The following WDR1 variants were observed in gnomAD, a reference collection of about 807,000 sequenced individuals.
WDR1 encodes the protein WD repeat domain 1.
A neutral mutation model predicts 71.9 loss-of-function variants in WDR1; 21 were observed. The ratio of observed to expected loss-of-function variants is 0.29; its 90% CI spans 0.21 to 0.42. The LOEUF is 0.42. Among genes scored for constraint, WDR1 ranks in the 10% least tolerant of loss-of-function variants. The pLI, the probability that WDR1 is intolerant of heterozygous loss-of-function variation, is 1.00. For synonymous variants in WDR1, 424 were observed against 347.4 expected (o/e 1.22, Z -2.45); for missense variants, 696 against 824.5 (o/e 0.84, Z 1.91).
At chr4:10,079,916 T>C (rs1764949237) in intron 11 of WDR1, among the ~76,000 whole-genome samples, 1 of 152,222 alleles carries the variant, frequency 6.6e-6, no homozygotes, top group South Asian at 2.1e-4. Flanking sequence ...TCGTCCGACA[T>C]GAGACTTGAA....
intron 2 of WDR1, chr4:10,108,357 C>T (rs1713146894): frequency 6.6e-6 from 1 of 152,230 alleles, no homozygotes; most frequent in Non-Finnish European, 1.5e-5. Flanking sequence ...TCCTGGCCCA[C>T]AGTGAACCTG....
intron 2 of WDR1, chr4:10,106,406 G>A (rs1327992041): frequency 2.0e-5 from 3 of 152,328 alleles, no homozygotes; most frequent in African/African-American, 4.8e-5. Context: ...GCCCCTCCAA[G>A]ACCCTGTTCG....
chr4:10,083,303 T>TC, intron 9 of WDR1, 125 bp from the exon 10 acceptor site: 4 of 1,259,182 alleles, frequency 3.2e-6, no homozygotes, highest in Non-Finnish European at 3.2e-6. Context: ...ACATAACCAT[T>TC]CCCCCTGGGA....
At position 10,107,080 on chromosome 4, in the gene WDR1, G is replaced by A. The variant is rs1331180897; in HGVS notation, c.139-3094C>T. 2.6e-5 allele frequency among the ~76,000 whole-genome samples: 4 copies of A among 152,180 alleles called. No individual in the cohort carries two copies. In the East Asian group the frequency reaches 5.8e-4, roughly 22 times the overall value. ...GGGGAAAACGAGACAGGGAGGGCAG[G>A]AAGCCAATTCCAGGAGCCCCAGTGC... On this transcript the variant is annotated intron_variant, in intron 2 of 14. Transcript: ENST00000499869.
intron 5 of WDR1, among the ~76,000 whole-genome samples, chr4:10,090,877 G>A (rs1176323973): frequency 1.3e-5 from 2 of 152,268 alleles, no homozygotes; most frequent in African/African-American, 4.8e-5. Flanking sequence ...TTCAGGGAGT[G>A]CTGTCATGGT....
chr4:10,086,857 T>TG (rs1315176389), intron 8 of WDR1, among the ~76,000 whole-genome samples: 1 of 152,068 alleles, frequency 6.6e-6, no homozygotes, highest in African/African-American at 2.4e-5. Context: ...GAACCTGACT[T>TG]GGAGTTCCCA....
At position 10,077,827 on chromosome 4, in the gene WDR1, G is replaced by A. The variant is rs1764859253; in HGVS notation, c.1495C>T (p.His499Tyr). The A allele has an allele frequency of 1.2e-6, 2 of 1,608,864 alleles. No homozygotes were observed. Among genetic ancestry groups the A allele is most frequent in the Non-Finnish European group, 1.7e-6 (2 of 1,177,766 alleles). Reference protein sequence around the residue: ...KGPVTDVAYSHDGAFLAVCDA... With the variant: ...KGPVTDVAYSYDGAFLAVCDA... Reference sequence around the variant, plus strand: ...CACACCGCGAGGAAGGCGCCGTCGTGGGAGTAGGCCACGTCGGTCACGGGG... The same window carrying A: ...CACACCGCGAGGAAGGCGCCGTCGTAGGAGTAGGCCACGTCGGTCACGGGG... Residue 499 changes from histidine (H) to tyrosine (Y), a missense_variant, in exon 13 of 15, where the codon CAC (histidine) becomes TAC (tyrosine). By Grantham distance (83) the His-to-Tyr change is moderately conservative. Transcript: ENST00000499869.
intron 3 of WDR1, 33 bp from the exon 4 acceptor site, chr4:10,099,172 GGCGGTGGTGGGGTAAAGGGCA>G: frequency 3.2e-6 from 4 of 1,266,776 alleles, no homozygotes; most frequent in African/African-American, 1.5e-5. Flanking sequence ...GAGGGGGGGA[GGCGGTGGTGGGGTAAAGGGCA>G]GGGGGAGAGC....
chr4:10,086,749 AG>A (rs1711598152), intron 8 of WDR1, among the ~76,000 whole-genome samples: 1 of 152,176 alleles, frequency 6.6e-6, no homozygotes, highest in Non-Finnish European at 1.5e-5. Context: ...CAGGAGCCCG[AG>A]AAGGGCTGCT....
At chr4:10,105,444 T>G (rs1046310652) in intron 2 of WDR1, among the ~76,000 whole-genome samples, 1 of 152,220 alleles carries the variant, frequency 6.6e-6, no homozygotes, top group Non-Finnish European at 1.5e-5. Flanking sequence ...GGATAATCGT[T>G]CGCCAGTGAA....
chr4:10,106,954 A>G (rs1288232918), intron 2 of WDR1, among the ~76,000 whole-genome samples: 1 of 152,036 alleles, frequency 6.6e-6, no homozygotes, highest in African/African-American at 2.4e-5. Context: ...TGACACCCTC[A>G]GTGTGCCCCT....
At chr4:10,111,789 T>C (rs888624589) in intron 2 of WDR1, among the ~76,000 whole-genome samples, 1 of 151,118 alleles carries the variant, frequency 6.6e-6, no homozygotes. Context: ...GTGAGCCCAA[T>C]ACCCTCCCCA....
At chr4:10,092,748 G>T (rs148754120) in intron 5 of WDR1, 1 of 262,380 alleles carries the variant, frequency 3.8e-6, no homozygotes, top group African/African-American at 2.2e-5. Context: ...CTTTCCACAC[G>T]GAGGCCCGGC....
chr4:10,093,934 T>C (rs1712168199), intron 5 of WDR1, among the ~76,000 whole-genome samples: 1 of 152,212 alleles, frequency 6.6e-6, no homozygotes, highest in Admixed American at 6.5e-5. Context: ...ATTTTCCTTA[T>C]CTATCAGGAA....
intron 2 of WDR1, among the ~76,000 whole-genome samples, chr4:10,111,223 A>G (rs984544881): frequency 2.0e-5 from 3 of 152,102 alleles, no homozygotes; most frequent in Non-Finnish European, 2.9e-5. Context: ...ACCTGCCACC[A>G]CTGCACACCA....
chr4:10,100,922 C>A (rs1042037381), intron 3 of WDR1, among the ~76,000 whole-genome samples: 1 of 152,240 alleles, frequency 6.6e-6, no homozygotes. Flanking sequence ...ACGTGGTCTG[C>A]TATGCTCAGG....
chr4:10,089,581 G>A (rs1468933188), intron 5 of WDR1, among the ~76,000 whole-genome samples: 1 of 152,208 alleles, frequency 6.6e-6, no homozygotes, highest in African/African-American at 2.4e-5. Context: ...CCTTAAATAA[G>A]CAGTTGTAAA....
intron 5 of WDR1, 123 bp from the exon 6 acceptor site, chr4:10,088,864 G>A: frequency 2.5e-6 from 2 of 787,074 alleles, no homozygotes; most frequent in Non-Finnish European, 2.1e-6. Context: ...TTAGTCCACT[G>A]GAAAATTTCA....
chr4:10,104,131 C>G, intron 2 of WDR1, 145 bp from the exon 3 acceptor site: 1 of 801,462 alleles, frequency 1.2e-6, no homozygotes, highest in Non-Finnish European at 2.1e-6. Flanking sequence ...AAGCATACCA[C>G]TTGCCTACGT....
Sources: gnomAD v4.1 joint callset for allele counts (sites outside exome capture counted in the v4.1 genomes callset) on GRCh38, gnomAD v4.1.1 for gene constraint, MANE v1.5 for transcripts, NCBI Gene and HGNC (gene_info 2026-07-23, HGNC 2026-07-21) for gene names.